The following ABI1 variants were observed in gnomAD, a reference collection of about 807,000 sequenced individuals.
ABI1 encodes the protein Abelson interactor 1.
Under a neutral mutation model 54.6 loss-of-function variants are expected in ABI1, and 14 were observed. That is an observed-to-expected ratio of 0.26 (90% confidence interval 0.17 to 0.40). The LOEUF (loss-of-function observed/expected upper bound fraction) is 0.40. Ranked by LOEUF, ABI1 falls within the 10% of genes least tolerant of loss-of-function variation. The pLI, the probability that ABI1 is intolerant of heterozygous loss-of-function variation, is 1.00. For missense variants in ABI1, 443 were observed against 598.3 expected (o/e 0.74, Z 2.71); for synonymous variants, 194 against 209.3 (o/e 0.93, Z 0.63).
intron 1 of ABI1, among the ~76,000 whole-genome samples, chr10:26,842,705 A>G (rs1435742177): frequency 6.6e-6 from 1 of 152,208 alleles, no homozygotes; most frequent in Non-Finnish European, 1.5e-5. Flanking sequence ...TATAAAAGAT[A>G]AAGGCAAGAC....
chr10:26,839,303 C>T (rs1271638368), intron 1 of ABI1, among the ~76,000 whole-genome samples: 1 of 151,688 alleles, frequency 6.6e-6, no homozygotes, highest in East Asian at 1.9e-4. Flanking sequence ...TCGAGACTAG[C>T]CTGGAGAACA....
intron 1 of ABI1, among the ~76,000 whole-genome samples, chr10:26,828,086 C>A (rs1312997551): frequency 6.6e-6 from 1 of 152,198 alleles, no homozygotes; most frequent in Non-Finnish European, 1.5e-5. Flanking sequence ...GAGAAACACG[C>A]AATTCTTTCA....
chr10:26,855,888 T>C (rs2050758152), intron 1 of ABI1, among the ~76,000 whole-genome samples: 1 of 150,582 alleles, frequency 6.6e-6, no homozygotes, highest in Non-Finnish European at 1.5e-5. Flanking sequence ...GGAAAATCAC[T>C]TGAACCCAGG....
chr10:26,784,385 T>G (rs542514169), intron 2 of ABI1, among the ~76,000 whole-genome samples: 1 of 152,198 alleles, frequency 6.6e-6, no homozygotes, highest in African/African-American at 2.4e-5. Flanking sequence ...ACAGGACAGA[T>G]TGGACTGACT....
At chr10:26,832,218 A>T (rs1364670175) in intron 1 of ABI1, among the ~76,000 whole-genome samples, 2 of 152,176 alleles carry the variant, frequency 1.3e-5, no homozygotes, top group Non-Finnish European at 2.9e-5. Context: ...TAAGTAGGGG[A>T]GGGGCAGTTA....
chr10:26,818,157 TCAAAAAAAAAAAAAAAAA>T (rs1297621542), intron 2 of ABI1, among the ~76,000 whole-genome samples: 1 of 19,648 alleles, frequency 5.1e-5, no homozygotes, highest in South Asian at 2.2e-3. Flanking sequence ...AGACTCCATC[TCAAAAAAAAAAAAAAAAA>T]AAAAAAAAAA....
intron 1 of ABI1, among the ~76,000 whole-genome samples, chr10:26,848,395 T>C (rs1167915636): frequency 3.8e-5 from 5 of 130,498 alleles, no homozygotes; most frequent in Non-Finnish European, 7.9e-5. Context: ...CTAAAAATCA[T>C]TTAATTTTAA....
chr10:26,778,029 G>A (rs1204249078), intron 2 of ABI1, among the ~76,000 whole-genome samples: 1 of 151,962 alleles, frequency 6.6e-6, no homozygotes, highest in Non-Finnish European at 1.5e-5. Flanking sequence ...TACCTACTCT[G>A]TACCTACTCT....
intron 4 of ABI1, 28 bp downstream of exon 4, chr10:26,771,047 G>C: frequency 6.2e-7 from 1 of 1,612,832 alleles, no homozygotes; most frequent in Non-Finnish European, 8.5e-7. Flanking sequence ...GAAATACTGT[G>C]GATCAAATGA....
chr10:26,776,797 A>C, intron 3 of ABI1: 1 of 303,586 alleles, frequency 3.3e-6, no homozygotes, highest in Non-Finnish European at 6.0e-6. Context: ...TGAAAGAAAG[A>C]CATAGAATTC....
At chr10:26,850,580 C>T (rs2050303578) in intron 1 of ABI1, among the ~76,000 whole-genome samples, 1 of 151,560 alleles carries the variant, frequency 6.6e-6, no homozygotes, top group African/African-American at 2.4e-5. Context: ...ATTGCCTGAA[C>T]CTGGGAGGCA....
chr10:26,817,275 C>T (rs1256058977), intron 2 of ABI1, among the ~76,000 whole-genome samples: 1 of 152,168 alleles, frequency 6.6e-6, no homozygotes, highest in Non-Finnish European at 1.5e-5. Context: ...GCTGGGATTA[C>T]AGGCCACCAT....
chr10:26,847,276 A>G (rs1323487834), intron 1 of ABI1, among the ~76,000 whole-genome samples: 1 of 152,124 alleles, frequency 6.6e-6, no homozygotes, highest in Non-Finnish European at 1.5e-5. Flanking sequence ...GTATTATCTG[A>G]TTATTCTAAA....
chr10:26,763,816 C>T (rs1442535815), intron 7 of ABI1: 1 of 1,413,926 alleles, frequency 7.1e-7, no homozygotes, highest in Non-Finnish European at 1.0e-6. Context: ...TCTACTAGCA[C>T]AGAGGAGTTT....
intron 1 of ABI1, among the ~76,000 whole-genome samples, chr10:26,838,843 G>A (rs1190501278): frequency 6.6e-6 from 1 of 152,312 alleles, no homozygotes; most frequent in African/African-American, 2.4e-5. Context: ...AACACTGCTA[G>A]GAAGAATAGA....
chr10:26,771,133 G>A (rs1840639782), intron 3 of ABI1, 44 bp from the exon 4 acceptor site: 1 of 1,607,206 alleles, frequency 6.2e-7, no homozygotes, highest in African/African-American at 1.3e-5. Context: ...AGACATTAAT[G>A]CTAGGTAAGT....
intron 2 of ABI1, among the ~76,000 whole-genome samples, chr10:26,796,598 C>G (rs1305621327): frequency 6.6e-6 from 1 of 152,148 alleles, no homozygotes; most frequent in African/African-American, 2.4e-5. Context: ...CAGAACATTT[C>G]CTTGTCATTA....
chr10:26,812,301 T>C (rs2047291908), intron 2 of ABI1, among the ~76,000 whole-genome samples: 1 of 152,168 alleles, frequency 6.6e-6, no homozygotes, highest in Non-Finnish European at 1.5e-5. Context: ...AAATACTAGA[T>C]GTGCATACAA....
intron 8 of ABI1, among the ~76,000 whole-genome samples, chr10:26,756,123 T>C (rs1417452283): frequency 6.6e-6 from 1 of 152,198 alleles, no homozygotes; most frequent in Non-Finnish European, 1.5e-5. Context: ...TACATAGGTT[T>C]CCAGAATATT....
Sources: gnomAD v4.1 joint callset for allele counts (sites outside exome capture counted in the v4.1 genomes callset) on GRCh38, gnomAD v4.1.1 for gene constraint, MANE v1.5 for transcripts, NCBI Gene and HGNC (gene_info 2026-07-23, HGNC 2026-07-21) for gene names.